Variants in TKFC observed in about 807,000 individuals in gnomAD.
TKFC encodes the protein triokinase and FMN cyclase, also known as triokinase/FMN cyclase.
In TKFC, 46 loss-of-function variants were observed where a neutral mutation model predicts 61.0. The observed-to-expected ratio is 0.75, with a 90% CI of 0.60 to 0.96. The LOEUF (loss-of-function observed/expected upper bound fraction) is 0.96, where lower values mean the gene tolerates loss of function less well. TKFC is among the 50% of genes least tolerant of loss of function. The probability of loss-of-function intolerance (pLI) is 0.00; values close to 1 mark genes in which losing one functional copy is unlikely to be tolerated. For synonymous variants in TKFC, 314 were observed against 330.1 expected, an observed-to-expected ratio of 0.95 and a Z score of 0.53; for missense variants, 715 against 777.5, an observed-to-expected ratio of 0.92 and a Z score of 0.96.
Position 61,346,423 on chromosome 11 carries a change from G to C in TKFC, c.1648G>C (p.Ala550Pro). ...CGGAAGAGCCAGTTATATCAGCTCA[G>C]CACGGCTGGAGCAGCCAGACCCCGG... ...GAGRASYISS[A>P]RLEQPDPGAV... is the part of the protein sequence containing the mutation. Residue 550 changes from alanine to proline, a missense_variant, in exon 18 of 18, where the codon GCA (alanine) becomes CCA (proline). Ala to Pro is a conservative substitution (Grantham distance 27). Transcript: ENST00000394900. This position sits in a 1 kb window ranked among gnomAD's most constrained non-coding sequence, Gnocchi z 4.1. 6.2e-7 allele frequency: 1 copy of C among 1,612,104 alleles called. No individual in the cohort carries two copies. The highest frequency in any genetic ancestry group is 8.5e-7 in the Non-Finnish European group (1 of 1,179,934).
chr11:61,341,943 C>A, intron 7 of TKFC, 31 bp downstream of exon 7: 1 of 1,595,088 alleles, frequency 6.3e-7, no homozygotes, highest in South Asian at 1.1e-5. Flanking sequence ...CCCAGCCCTG[C>A]CTGCTCCTTG....
chr11:61,344,849 G>A (rs1285673339), intron 13 of TKFC, among the ~76,000 whole-genome samples: 1 of 152,150 alleles, frequency 6.6e-6, no homozygotes, highest in African/African-American at 2.4e-5. Context: ...AAAGGTATTT[G>A]GTGCCTGCCG....
At position 61,343,908 on chromosome 11, in the gene TKFC, T is replaced by TGGGC; in HGVS notation, c.1038_1041dup (p.Lys348AlafsTer16). Reference sequence around the variant, plus strand: ...CTAACGTGGCTGCAGTCTCCATTACTGGGCGGAAGCGGAGCCGGGTAGCCC... The same window carrying TGGGC: ...CTAACGTGGCTGCAGTCTCCATTACTGGGCGGGCGGAAGCGGAGCCGGGTAGCCC... On this transcript the variant is annotated frameshift_variant, in exon 12 of 18. Transcript: ENST00000394900. LOFTEE classifies it high-confidence loss of function. 1 of 1,611,234 alleles carries TGGGC rather than the reference T, an allele frequency of 6.2e-7. No individual in the cohort carries two copies. The highest frequency in any genetic ancestry group is 8.5e-7 in the Non-Finnish European group (1 of 1,179,996).
downstream of TKFC, chr11:61,353,168 C>A (rs559004752): frequency 1.2e-5 from 19 of 1,576,194 alleles, no homozygotes; most frequent in East Asian, 2.7e-4. Context: ...ACACACCCGA[C>A]TGTGCTATGT....
rs751275880 is a variant in TKFC, at chr11:61,346,501, T to A, written c.1726T>A (p.Ter576LysextTer3). ...LRAILEVLQS[*>K] ...GGCCATCTTGGAGGTCTTGCAGAGC[T>A]AGGGTGTGTGACTGCCTCCCTTGGC... The change falls in exon 18 of 18, where the codon TAG (stop) becomes AAG (lysine). Residue 576 changes from the stop codon to lysine, a stop_lost. Transcript: ENST00000394900. The surrounding 1 kb of genome is among the most constrained non-coding windows in gnomAD (Gnocchi z 4.1). The A allele has an allele frequency of 5.6e-6, 9 of 1,598,330 alleles. No individual in the cohort carries two copies. Among genetic ancestry groups the A allele is most frequent in the Non-Finnish European group, 6.8e-6 (8 of 1,172,642 alleles).
At chr11:61,353,074 T>C, downstream of TKFC, 1 of 1,613,450 alleles carries the variant, frequency 6.2e-7, no homozygotes. Flanking sequence ...CGTGGATAGG[T>C]TTTAGGAGGC....
At chr11:61,352,923 T>C (rs1857482031), downstream of TKFC, 6 of 1,613,150 alleles carry the variant, frequency 3.7e-6, no homozygotes, top group East Asian at 4.5e-5. Context: ...TCACAGGGTG[T>C]ATCTTTTGAA....
intron 1 of TKFC, chr11:61,333,732 G>A (rs1351595631): frequency 6.6e-6 from 1 of 152,110 alleles, no homozygotes; most frequent in Non-Finnish European, 1.5e-5. Context: ...TCTCCGTAGG[G>A]AACCTTAATG....
chr11:61,347,714 C>T lies in TKFC; in HGVS notation c.*1211C>T. On this transcript the variant is annotated 3_prime_UTR_variant, in exon 18 of 18. Transcript: ENST00000394900. Reference sequence around the variant, plus strand: ...TGGTTAAAGGCACTGGCTGTCGACTCATACACATGATCTGAAATCTGATTC... The same window carrying T: ...TGGTTAAAGGCACTGGCTGTCGACTTATACACATGATCTGAAATCTGATTC... The T allele has an allele frequency of 1.0e-6, 1 of 985,192 alleles. No individual in the cohort carries two copies. Among genetic ancestry groups the T allele is most frequent in the Non-Finnish European group, 1.2e-6 (1 of 829,732 alleles). 61.0% of individuals were successfully genotyped at this position (985,192 alleles called of 1,614,324 possible). A position where few individuals can be genotyped will look rare whatever the true frequency, so the allele number is the denominator to read the frequency against.
Position 61,347,742 on chromosome 11 carries a change from C to T in TKFC, c.*1239C>T, listed in dbSNP as rs1029842630. On this transcript the variant is annotated 3_prime_UTR_variant, in exon 18 of 18. Transcript: ENST00000394900. ...ACACATGATCTGAAATCTGATTCTG[C>T]TTTAACCCGGCTACAGGAGCTAAGG... The T allele has an allele frequency of 5.1e-6, 5 of 984,520 alleles. No individual in the cohort carries two copies. In the South Asian group the frequency reaches 2.4e-4, roughly 46 times the overall value. 61.0% of individuals were successfully genotyped at this position (984,520 alleles called of 1,614,324 possible).
In TKFC at chr11:61,346,320, C is replaced by T. The variant is rs779492184; in HGVS notation, c.1576-31C>T. The T allele has an allele frequency of 6.2e-7, 1 of 1,610,960 alleles. No individual in the cohort carries two copies. The highest frequency in any genetic ancestry group is 2.2e-5 in the East Asian group (1 of 44,882). On this transcript the variant is annotated intron_variant, in intron 17 of 17. Coordinates refer to ENST00000394900, the MANE Select transcript of TKFC (RefSeq NM_015533.4). This position sits in a 1 kb window ranked among gnomAD's most constrained non-coding sequence, Gnocchi z 4.1. ...GAAGGAGGCGGCCTGGTGATCTGCC[C>T]TTGAACCTGCTCCCACACCCCATCC...
Position 61,342,785 on chromosome 11 carries a change from T to G in TKFC, c.806T>G (p.Leu269Arg), listed in dbSNP as rs774390541. 5.0e-6 allele frequency: 8 copies of G among 1,614,010 alleles called. No homozygotes were observed. In the South Asian group the frequency reaches 8.8e-5, roughly 18 times the overall value. Reference protein sequence around the residue: ...GSSVVMMVNNLGGLSFLELGI... With the variant: ...GSSVVMMVNNRGGLSFLELGI... ...TCAGTTGTGATGATGGTCAACAACC[T>G]GGGTGGCCTGTCATTCCTGGAACTG... Residue 269 changes from leucine (L) to arginine (R), a missense_variant, in exon 10 of 18, where the codon CTG (leucine) becomes CGG (arginine). Coordinates refer to ENST00000394900, the MANE Select transcript of TKFC (RefSeq NM_015533.4).
chr11:61,347,613 G>A lies in TKFC; in HGVS notation c.*1110G>A. ...TCTCTTTCTAGAGCGATCACTGATG[G>A]CACCAGGGTGAGCAGGGGCACTGTA... is the stretch of plus-strand genomic sequence containing the variant. On this transcript the variant is annotated 3_prime_UTR_variant, in exon 18 of 18. Transcript: ENST00000394900. 2.0e-6 allele frequency: 2 copies of A among 985,376 alleles called. No homozygotes were observed. Among genetic ancestry groups the A allele is most frequent in the Non-Finnish European group, 1.2e-6 (1 of 829,972 alleles). 61.0% of individuals were successfully genotyped at this position (985,376 alleles called of 1,614,324 possible). A position where few individuals can be genotyped will look rare whatever the true frequency, so the allele number is the denominator to read the frequency against.
chr11:61,348,224 T>C lies in TKFC; in HGVS notation c.*1721T>C. ...TCAACCTAGTCACCCTTTTTGAGTC[T>C]TGTTTTCTCAGATTATGAAATAGGA... On this transcript the variant is annotated 3_prime_UTR_variant, in exon 18 of 18. Coordinates refer to ENST00000394900, the MANE Select transcript of TKFC (RefSeq NM_015533.4). The C allele has an allele frequency of 1.0e-6, 1 of 985,448 alleles. No individual in the cohort carries two copies. Among genetic ancestry groups the C allele is most frequent in the Non-Finnish European group, 1.2e-6 (1 of 829,934 alleles). 61.0% of individuals were successfully genotyped at this position (985,448 alleles called of 1,614,324 possible).
downstream of TKFC, chr11:61,350,789 CTG>C (rs149448201): frequency 4.3e-6 from 3 of 701,138 alleles, no homozygotes; most frequent in Non-Finnish European, 6.8e-6. Flanking sequence ...AATGGACAGA[CTG>C]GGGAGTCCCA....
intron 2 of TKFC, 39 bp downstream of exon 2, chr11:61,334,770 T>G (rs1590711525): frequency 6.2e-7 from 1 of 1,613,848 alleles, no homozygotes; most frequent in Non-Finnish European, 8.5e-7. Context: ...GGCAGCATGG[T>G]CTCAAAGCAG....
In TKFC at chr11:61,345,880, G is replaced by A. The variant is rs994674400; in HGVS notation, c.1509G>A (p.Gly503=). Residue 503 remains glycine, a synonymous_variant, in exon 17 of 18, where the codon GGG becomes GGA. Coordinates refer to ENST00000394900, the MANE Select transcript of TKFC (RefSeq NM_015533.4). ...AGCTGGATTCTCTGTGGGCAGCGGGGCAGGAGCTCCAAGCCTGGAAGAGCC... is the reference window on the plus strand; with the variant it reads ...AGCTGGATTCTCTGTGGGCAGCGGGACAGGAGCTCCAAGCCTGGAAGAGCC... ...RTMLDSLWAA[G]QELQAWKSPG... is the part of the protein sequence containing the mutation. The A allele has an allele frequency of 6.8e-6, 11 of 1,614,176 alleles. No individual in the cohort carries two copies. In the African/African-American group the frequency reaches 1.1e-4, roughly 16 times the overall value.
chr11:61,341,694 G>A, intron 6 of TKFC, 129 bp from the exon 7 acceptor site: 1 of 1,244,994 alleles, frequency 8.0e-7, no homozygotes, highest in South Asian at 1.2e-5. Context: ...GGCTGAGGTG[G>A]AGAGTCTGGC....
Position 61,348,121 on chromosome 11 carries a change from G to C in TKFC, c.*1618G>C. The C allele has an allele frequency of 1.0e-6, 1 of 985,440 alleles. No individual in the cohort carries two copies. The highest frequency in any genetic ancestry group is 1.2e-6 in the Non-Finnish European group (1 of 829,938). The allele number at this position is 985,440 out of a possible 1,614,324, so 61.0% of individuals were successfully genotyped here. A position where few individuals can be genotyped will look rare whatever the true frequency, so the allele number is the denominator to read the frequency against. On this transcript the variant is annotated 3_prime_UTR_variant, in exon 18 of 18. Transcript: ENST00000394900. ...GGCATCCACGTGCACAGGAGTATGC[G>C]CCCAGCAGCTGGGAAGGAGGCTGAC...
Sources: allele counts gnomAD v4.1 joint callset (sites outside exome capture counted in the v4.1 genomes callset), GRCh38; gene constraint gnomAD v4.1.1; non-coding constraint Gnocchi (gnomAD v3.1); transcripts MANE v1.5; gene names NCBI Gene and HGNC (gene_info 2026-07-23, HGNC 2026-07-21).